R3HDM2: variants seen among roughly 807,000 people sequenced by gnomAD.
R3HDM2 encodes R3H domain-containing protein 2.
R3HDM2 carries 38 observed loss-of-function variants against 124.5 expected under a neutral mutation model. The ratio of observed to expected loss-of-function variants is 0.31; its 90% CI spans 0.24 to 0.40. The LOEUF (loss-of-function observed/expected upper bound fraction) is 0.40, where lower values mean the gene tolerates loss of function less well. Ranked by LOEUF, R3HDM2 falls within the 10% of genes least tolerant of loss-of-function variation. The pLI is 1.00. For synonymous variants in R3HDM2, 391 were observed against 448.0 expected (o/e 0.87, Z 1.61); for missense variants, 869 against 1,236.9 (o/e 0.70, Z 4.46).
chr12:57,379,609 A>G (rs1480220890), intron 2 of R3HDM2, among the ~76,000 whole-genome samples: 1 of 152,048 alleles, frequency 6.6e-6, no homozygotes. Flanking sequence ...GAAAAAAACG[A>G]TAAGCTCAAT....
intron 1 of R3HDM2, among the ~76,000 whole-genome samples, chr12:57,403,260 G>A (rs143549627): frequency 0.019 from 2,920 of 152,220 alleles, 43 homozygotes; most frequent in Non-Finnish European, 0.031. Flanking sequence ...TTGGGAGGCC[G>A]AGGTAGGTGG....
chr12:57,261,306 A>C (rs944881011), intron 19 of R3HDM2, among the ~76,000 whole-genome samples: 1 of 152,176 alleles, frequency 6.6e-6, no homozygotes, highest in Non-Finnish European at 1.5e-5. Flanking sequence ...CCTCATTGCT[A>C]CCTGAGGGTC....
At chr12:57,270,437 GT>G (rs1005526514) in intron 14 of R3HDM2, among the ~76,000 whole-genome samples, 16 of 149,134 alleles carry the variant, frequency 1.1e-4, no homozygotes, top group African/African-American at 3.7e-4. Flanking sequence ...TTTGTTTTTT[GT>G]TTTTTTTGAG....
intron 18 of R3HDM2, 67 bp from the exon 19 acceptor site, chr12:57,266,898 C>A: frequency 8.7e-7 from 1 of 1,143,884 alleles, no homozygotes. Flanking sequence ...TGGCAAACAG[C>A]TGCTGCTTCC....
intron 19 of R3HDM2, among the ~76,000 whole-genome samples, chr12:57,263,480 T>C (rs906693906): frequency 1.3e-5 from 2 of 152,070 alleles, no homozygotes; most frequent in African/African-American, 4.8e-5. Flanking sequence ...GCTCCTTTTT[T>C]TTTGTTTTGA....
At chr12:57,425,070 C>T (rs1205749499) in intron 1 of R3HDM2, among the ~76,000 whole-genome samples, 3 of 152,142 alleles carry the variant, frequency 2.0e-5, no homozygotes, top group Admixed American at 1.3e-4. Flanking sequence ...CTCGGGAGTT[C>T]GAGACCAGCC....
rs1869705886 is a variant in R3HDM2 at position 57,430,744 on chromosome 12, G to C, written c.-130C>G. 1 of 232,794 alleles carries C rather than the reference G, an allele frequency of 4.3e-6. No individual in the cohort carries two copies. The highest frequency in any genetic ancestry group is 7.0e-6 in the Non-Finnish European group (1 of 143,708). 14.4% of individuals were successfully genotyped at this position (232,794 alleles called of 1,614,324 possible). On this transcript the variant is annotated 5_prime_UTR_variant, in exon 1 of 24. Transcript: ENST00000402412. The stretch of plus-strand genomic sequence containing the variant: ...CCTCGCACGGGCCTTGGCGGGGAGG[G>C]CGCCCACGTCTCCGCCCGCCGCCCG...
rs551567725 is a variant in R3HDM2 at position 57,254,108 on chromosome 12, T to C, written c.*665A>G. 2 of 436,334 alleles carry C rather than the reference T, an allele frequency of 4.6e-6. No homozygotes were observed. Among genetic ancestry groups the C allele is most frequent in the East Asian group, 7.2e-5 (1 of 13,954 alleles). 27.0% of individuals were successfully genotyped at this position (436,334 alleles called of 1,614,324 possible). ...AAAAAGGAAAGGAAGCTTGGGATGT[T>C]AAGGTAATAGGAGGACAGTGTGGGA... On this transcript the variant is annotated 3_prime_UTR_variant, in exon 24 of 24. Coordinates refer to ENST00000402412, the MANE Select transcript of R3HDM2 (RefSeq NM_001394031.1).
intron 14 of R3HDM2, among the ~76,000 whole-genome samples, chr12:57,278,249 C>T (rs2045316740): frequency 6.6e-6 from 1 of 152,176 alleles, no homozygotes; most frequent in African/African-American, 2.4e-5. Flanking sequence ...TGCCAACGAT[C>T]GACCAATTGA....
At chr12:57,295,037 C>G (rs2049448425) in intron 10 of R3HDM2, among the ~76,000 whole-genome samples, 1 of 152,118 alleles carries the variant, frequency 6.6e-6, no homozygotes, top group Non-Finnish European at 1.5e-5. Flanking sequence ...AAAGAAATCC[C>G]TAACTATTAA....
chr12:57,335,107 A>T (rs2058684381), intron 2 of R3HDM2, among the ~76,000 whole-genome samples: 1 of 151,588 alleles, frequency 6.6e-6, no homozygotes, highest in Non-Finnish European at 1.5e-5. Flanking sequence ...GGGCCATTGC[A>T]CTCCAGCCTG....
chr12:57,360,006 A>AATATATATATATATATATAT (rs1366274892), intron 2 of R3HDM2, among the ~76,000 whole-genome samples: 2 of 117,690 alleles, frequency 1.7e-5, no homozygotes, highest in Non-Finnish European at 3.5e-5. Flanking sequence ...TAAATAAATA[A>AATATATATATATATATATAT]ATATATATAT....
At chr12:57,300,357 T>G (rs2050852801) in intron 4 of R3HDM2, among the ~76,000 whole-genome samples, 176 bp from the exon 5 acceptor site, 2 of 152,192 alleles carry the variant, frequency 1.3e-5, no homozygotes, top group Non-Finnish European at 2.9e-5. Context: ...CAGTTCCTGA[T>G]TCACTTGAAA....
At chr12:57,320,428 G>C (rs2056238221) in intron 2 of R3HDM2, among the ~76,000 whole-genome samples, 1 of 152,040 alleles carries the variant, frequency 6.6e-6, no homozygotes, top group Non-Finnish European at 1.5e-5. Context: ...TACTTCATAT[G>C]TAATGGTGAC....
At chr12:57,383,177 G>A (rs951967975) in intron 2 of R3HDM2, among the ~76,000 whole-genome samples, 6 of 152,104 alleles carry the variant, frequency 3.9e-5, no homozygotes, top group East Asian at 2.0e-4. Context: ...TTTATTAGCC[G>A]AATGTGGTGG....
At chr12:57,418,121 A>C in intron 1 of R3HDM2, 2 of 976,490 alleles carry the variant, frequency 2.0e-6, no homozygotes, top group Non-Finnish European at 2.4e-6. Context: ...CATTTCCTCT[A>C]ATCCCAAACC....
Position 57,375,006 on chromosome 12 carries a change from T to A in R3HDM2, c.-36+20743A>T, listed in dbSNP as rs532494842. Reference sequence around the variant, plus strand: ...GCAAGACTCCATCTCAAAAAAAAAATAAATAAATAAATAAATAAAATTGAA... The same window carrying A: ...GCAAGACTCCATCTCAAAAAAAAAAAAAATAAATAAATAAATAAAATTGAA... On this transcript the variant is annotated intron_variant, in intron 2 of 23. Transcript: ENST00000402412. Among the ~76,000 whole-genome samples the A allele has an allele frequency of 5.3e-3, 774 of 146,360 alleles. 5 individuals are homozygous for A. The highest frequency in any genetic ancestry group is 0.012 in the African/African-American group (493 of 39,490).
intron 10 of R3HDM2, among the ~76,000 whole-genome samples, chr12:57,294,671 A>T (rs2049365406): frequency 6.6e-6 from 1 of 152,178 alleles, no homozygotes; most frequent in Non-Finnish European, 1.5e-5. Context: ...AAGCAGAGGC[A>T]GGCTGGATCT....
At chr12:57,354,128 C>T (rs1267817848) in intron 2 of R3HDM2, among the ~76,000 whole-genome samples, 4 of 151,930 alleles carry the variant, frequency 2.6e-5, no homozygotes, top group African/African-American at 9.7e-5. Flanking sequence ...CTTGGCCTCC[C>T]AAAGTGCTGG....
Sources: allele counts gnomAD v4.1 joint callset (sites outside exome capture counted in the v4.1 genomes callset), GRCh38; gene constraint gnomAD v4.1.1; transcripts MANE v1.5; gene names NCBI Gene and HGNC (gene_info 2026-07-23, HGNC 2026-07-21).